The following SPATA20 variants were observed in gnomAD, a reference collection of about 807,000 sequenced individuals.
The protein encoded by SPATA20 is spermatogenesis-associated protein 20.
In SPATA20, 74 loss-of-function variants were observed where a neutral mutation model predicts 98.9. The observed-to-expected ratio is 0.75, with a 90% CI of 0.62 to 0.91. SPATA20 has a LOEUF of 0.91. Ranked by LOEUF, SPATA20 falls within the 40% of genes least tolerant of loss-of-function variation. The pLI, the probability that SPATA20 is intolerant of heterozygous loss-of-function variation, is 0.00. For missense variants in SPATA20, 1,016 were observed against 1,069.8 expected (o/e 0.95, Z 0.70); for synonymous variants, 430 against 440.5 (o/e 0.98, Z 0.30).
chr17:50,550,060 C>A lies in SPATA20; in HGVS notation c.938C>A (p.Ala313Asp). 6.2e-7 allele frequency: 1 copy of A among 1,609,614 alleles called. No homozygotes were observed. Among genetic ancestry groups the A allele is most frequent in the Non-Finnish European group, 8.5e-7 (1 of 1,177,024 alleles). Residue 313 changes from alanine (A) to aspartate (D), a missense_variant, in exon 8 of 17, where the codon GCC (alanine) becomes GAC (aspartate). Ala to Asp is a moderately radical substitution (Grantham distance 126). Transcript: ENST00000006658. ...TQDGSRAQQMALHTLKMMANG... is the reference protein window; with the variant it reads ...TQDGSRAQQMDLHTLKMMANG... ...GATGGCTCTCGGGCCCAGCAGATGGCCTTGCATACCCTGAAAATGATGGCT... is the reference window on the plus strand; with the variant it reads ...GATGGCTCTCGGGCCCAGCAGATGGACTTGCATACCCTGAAAATGATGGCT...
chr17:50,549,534 C>T (rs558769117), intron 7 of SPATA20, 47 bp downstream of exon 7: 47 of 1,569,444 alleles, frequency 3.0e-5, no homozygotes, highest in Non-Finnish European at 3.7e-5. Context: ...CCTTCTGATT[C>T]CTATGCTGGT....
At chr17:50,550,686 G>T (rs949704624) in intron 10 of SPATA20, 22 bp from the exon 11 acceptor site, 1 of 1,613,264 alleles carries the variant, frequency 6.2e-7, no homozygotes, top group Non-Finnish European at 8.5e-7. Flanking sequence ...GCCGGGGCCA[G>T]CCAACTCTCC....
At chr17:50,554,680 A>C (rs2035072121) in intron 15 of SPATA20, among the ~76,000 whole-genome samples, 1 of 151,900 alleles carries the variant, frequency 6.6e-6, no homozygotes, top group Non-Finnish European at 1.5e-5. Context: ...TTCTGTCCAT[A>C]CTGTGTTACT....
chr17:50,548,568 A>G lies in SPATA20; in HGVS notation c.311A>G (p.Gln104Arg). 1.9e-6 allele frequency: 3 copies of G among 1,613,658 alleles called. No individual in the cohort carries two copies. Among genetic ancestry groups the G allele is most frequent in the Non-Finnish European group, 2.5e-6 (3 of 1,179,842 alleles). The change falls in exon 4 of 17, where the codon CAG becomes CGG. Residue 104 changes from glutamine (Q) to arginine (R), a missense_variant. Gln to Arg is a conservative substitution (Grantham distance 43, BLOSUM62 1). Transcript: ENST00000006658. ...GCTGGGTCTAGGTACCCCTGGGGAC[A>G]GGAAGCCTTCGACAAGGCCAGGAAG... Reference protein sequence around the residue: ...YNPVDWYPWGQEAFDKARKEN... With the variant: ...YNPVDWYPWGREAFDKARKEN...
rs202108195 is a variant in SPATA20, at chr17:50,552,008, C to T, written c.1785C>T (p.Phe595=). The T allele has an allele frequency of 8.7e-6, 14 of 1,612,328 alleles. No homozygotes were observed. The East Asian group carries it at 8.9e-5, about 10-fold the overall frequency. Residue 595 remains phenylalanine, a synonymous_variant, in exon 14 of 17, where the codon TTC becomes TTT. Transcript: ENST00000006658. ...GGGGCTTCCTGGAGGACTACGCCTTCGTGGTGCGGGGCCTGCTGGACCTGT... is the reference window on the plus strand; with the variant it reads ...GGGGCTTCCTGGAGGACTACGCCTTTGTGGTGCGGGGCCTGCTGGACCTGT... The part of the protein sequence containing the change: ...PCWGFLEDYA[F]VVRGLLDLYE...
chr17:50,555,669 C>A lies in SPATA20; in HGVS notation c.*7C>A, dbSNP rs1212033989. On this transcript the variant is annotated 3_prime_UTR_variant, in exon 17 of 17. Transcript: ENST00000006658. ...AAAACTACTACATCCATGACTGCCCCAACCCCCTTGGGGTGGGGCAGAAGG... is the reference window on the plus strand; with the variant it reads ...AAAACTACTACATCCATGACTGCCCAAACCCCCTTGGGGTGGGGCAGAAGG... The A allele has an allele frequency of 2.5e-6, 4 of 1,612,726 alleles. No individual in the cohort carries two copies. The highest frequency in any genetic ancestry group is 2.5e-6 in the Non-Finnish European group (3 of 1,179,470).
intron 14 of SPATA20, among the ~76,000 whole-genome samples, chr17:50,553,704 A>T: frequency 6.6e-6 from 1 of 151,720 alleles, no homozygotes; most frequent in Non-Finnish European, 1.5e-5. Flanking sequence ...GTGGATTGTG[A>T]TCTGCTCTGG....
At chr17:50,554,555 T>C in intron 15 of SPATA20, 105 bp downstream of exon 15, 1 of 1,214,260 alleles carries the variant, frequency 8.2e-7, no homozygotes, top group Non-Finnish European at 1.2e-6. Context: ...TCCCCAGAGC[T>C]CAGGTCTGTG....
intron 4 of SPATA20, 50 bp from the exon 5 acceptor site, chr17:50,548,756 GCCTC>G (rs2034957540): frequency 6.3e-7 from 1 of 1,596,120 alleles, no homozygotes; most frequent in African/African-American, 1.3e-5. Context: ...CACTTGGCCA[GCCTC>G]CCTCTGACCC....
rs758160692 is a variant in SPATA20, at chr17:50,554,382, C to G, written c.2089C>G (p.Arg697Gly). The part of the protein sequence containing the change: ...CLLTAFSERM[R>G]RVPVALPEMV... ...ATTGACCGCCTTTTCCGAGCGCATG[C>G]GTCGTGTCCCGGTGGCGTTGCCCGA... Residue 697 changes from arginine to glycine, a missense_variant, in exon 15 of 17, where the codon CGT (arginine) becomes GGT (glycine). Transcript: ENST00000006658. 3.1e-6 allele frequency: 5 copies of G among 1,613,986 alleles called. No individual in the cohort carries two copies. The highest frequency in any genetic ancestry group is 3.3e-5 in the Admixed American group (2 of 60,012).
rs770370460 is a variant in SPATA20, at chr17:50,550,566, G to A, written c.1129G>A (p.Ala377Thr). 2 of 1,613,998 alleles carry A rather than the reference G, an allele frequency of 1.2e-6. No individual in the cohort carries two copies. The highest frequency in any genetic ancestry group is 1.7e-5 in the Admixed American group (1 of 60,008). The change falls in exon 10 of 17, where the codon GCC (alanine) becomes ACC (threonine). Residue 377 changes from alanine (A) to threonine (T), a missense_variant. Coordinates refer to ENST00000006658, the MANE Select transcript of SPATA20 (RefSeq NM_022827.4). ...TGGTGATGAATTCTACTCTGACGTG[G>A]CCAAAGGCATCCTGCAGTACGTGGC... ...LSGDEFYSDV[A>T]KGILQYVARS...
chr17:50,551,643 C>G lies in SPATA20; in HGVS notation c.1709C>G (p.Thr570Ser). Reference protein sequence around the residue: ...FDVASGRLMRTCYTGPGGTVE... With the variant: ...FDVASGRLMRSCYTGPGGTVE... ...GTGGCCAGTGGCCGCCTGATGCGGA[C>G]CTGCTACACCGGCCCTGGGGGGACT... is the stretch of plus-strand genomic sequence containing the variant. The change falls in exon 13 of 17, where the codon ACC (threonine) becomes AGC (serine). Residue 570 changes from threonine to serine, a missense_variant. Physicochemically the swap from Thr to Ser is moderately conservative, Grantham distance 58 (BLOSUM62 1). Coordinates refer to ENST00000006658, the MANE Select transcript of SPATA20 (RefSeq NM_022827.4). The G allele has an allele frequency of 6.3e-7, 1 of 1,597,422 alleles. No individual in the cohort carries two copies. The highest frequency in any genetic ancestry group is 8.6e-7 in the Non-Finnish European group (1 of 1,166,672).
At chr17:50,548,208 T>C (rs1466940115) in intron 2 of SPATA20, 75 bp from the exon 3 acceptor site, 2 of 1,556,800 alleles carry the variant, frequency 1.3e-6, no homozygotes, top group South Asian at 1.2e-5. Flanking sequence ...CTGAGTGAAA[T>C]GGAGCAGGTG....
chr17:50,549,925 C>A, intron 7 of SPATA20, 60 bp from the exon 8 acceptor site: 1 of 1,515,012 alleles, frequency 6.6e-7, no homozygotes, highest in Non-Finnish European at 8.8e-7. Flanking sequence ...CTCCTGACCA[C>A]CCCGATCTCT....
chr17:50,548,178 G>C (rs775407136), intron 2 of SPATA20, 105 bp from the exon 3 acceptor site: 1 of 1,505,856 alleles, frequency 6.6e-7, no homozygotes, highest in African/African-American at 1.4e-5. Context: ...TGGGCTGGGA[G>C]CAGGGGTCCT....
intron 14 of SPATA20, among the ~76,000 whole-genome samples, chr17:50,552,652 C>T (rs1381164984): frequency 6.7e-6 from 1 of 150,012 alleles, no homozygotes; most frequent in East Asian, 2.0e-4. Flanking sequence ...ACCTCTGCCT[C>T]CGGGGCTGAA....
intron 1 of SPATA20, chr17:50,547,519 C>G (rs979291509): frequency 2.6e-5 from 17 of 661,776 alleles, no homozygotes; most frequent in African/African-American, 1.1e-4. Context: ...CAGTGCAGTG[C>G]CAGCTCCTCA....
At position 50,548,100 on chromosome 17, in the gene SPATA20, TCACCCC is replaced by T. The variant is rs1159922556; in HGVS notation, c.126-181_126-176del. 8 of 1,507,688 alleles carry T rather than the reference TCACCCC, an allele frequency of 5.3e-6. No homozygotes were observed. The East Asian group carries it at 2.0e-4, about 37-fold the overall frequency. The allele number at this position is 1,507,688 out of a possible 1,614,324, so 93.4% of individuals were successfully genotyped here. A position where few individuals can be genotyped will look rare whatever the true frequency, so the allele number is the denominator to read the frequency against. The stretch of plus-strand genomic sequence containing the variant: ...GGAGCCCCCAATGAGCCACCTCTCC[TCACCCC>T]CCAAAAAACATAAGGGGGAGCACAA... On this transcript the variant is annotated intron_variant, in intron 2 of 16. Transcript: ENST00000006658.
intron 16 of SPATA20, 51 bp downstream of exon 16, chr17:50,555,363 C>T: frequency 6.3e-7 from 1 of 1,592,698 alleles, no homozygotes; most frequent in East Asian, 2.2e-5. Context: ...CTGCCCCCTC[C>T]CATCCTCAGC....
Sources: gnomAD v4.1 joint callset for allele counts (sites outside exome capture counted in the v4.1 genomes callset) on GRCh38, gnomAD v4.1.1 for gene constraint, MANE v1.5 for transcripts, NCBI Gene and HGNC (gene_info 2026-07-23, HGNC 2026-07-21) for gene names.